TTC6: variants seen among roughly 807,000 people sequenced by gnomAD.
TTC6 encodes the protein tetratricopeptide repeat domain 6.
In TTC6, 172 loss-of-function variants were observed where a neutral mutation model predicts 210.4. The observed-to-expected ratio is 0.82, with a 90% CI of 0.72 to 0.93. The LOEUF (loss-of-function observed/expected upper bound fraction) is 0.93, where lower values mean the gene tolerates loss of function less well. TTC6 is among the 40% of genes least tolerant of loss of function. TTC6 has a pLI of 0.00. For synonymous variants in TTC6, 804 were observed against 819.6 expected (o/e 0.98, Z 0.32); for missense variants, 2,414 against 2,318.1 (o/e 1.04, Z -0.85).
exon 24 of TTC6, chr14:37,808,761 C>T (rs1474006061): frequency 2.3e-5 from 35 of 1,516,640 alleles, no homozygotes; most frequent in Non-Finnish European, 3.0e-5. Context: ...ACAGATTTAA[C>T]TACAGCTATC....
Position 37,800,916 on chromosome 14 carries a change from G to A in TTC6, c.4030-3764G>A, listed in dbSNP as rs185782652. ...AGTAGGTTAATAAAACAACTCAGCT[G>A]CAAACACGTACAACCTTTCATAAAA... On this transcript the variant is annotated intron_variant, in intron 20 of 30. Transcript: ENST00000553443. Among the ~76,000 whole-genome samples, 11 of 152,190 alleles carry A rather than the reference G, an allele frequency of 7.2e-5. No homozygotes were observed. In the East Asian group the frequency reaches 2.1e-3, roughly 29 times the overall value.
exon 18 of TTC6, chr14:37,795,321 C>G: frequency 6.5e-7 from 1 of 1,531,742 alleles, no homozygotes. Flanking sequence ...TATCCACCTT[C>G]AGCCAGATGG....
At chr14:37,722,971 CATTT>C (rs2095864750) in intron 6 of TTC6, among the ~76,000 whole-genome samples, 1 of 152,082 alleles carries the variant, frequency 6.6e-6, no homozygotes, top group Non-Finnish European at 1.5e-5. Flanking sequence ...TCTTCTCATT[CATTT>C]ATTTACTCAG....
chr14:37,645,306 A>G (rs754850588), intron 1 of TTC6, among the ~76,000 whole-genome samples: 6 of 152,226 alleles, frequency 3.9e-5, no homozygotes, highest in Non-Finnish European at 8.8e-5. Context: ...TACCTGCTCA[A>G]TCCAGACTCC....
intron 14 of TTC6, among the ~76,000 whole-genome samples, chr14:37,754,634 T>C (rs2095962155): frequency 1.3e-5 from 2 of 152,052 alleles, no homozygotes; most frequent in South Asian, 2.1e-4. Flanking sequence ...GGTTTTACCA[T>C]GTTGGCCAGG....
At chr14:37,841,317 G>T in intron 29 of TTC6, 128 bp from the exon 32 acceptor site, 2 of 768,838 alleles carry the variant, frequency 2.6e-6, no homozygotes, top group South Asian at 3.6e-5. Flanking sequence ...TCTGTACCTG[G>T]GATGAAATGC....
chr14:37,768,781 A>C (rs993000374), intron 14 of TTC6, among the ~76,000 whole-genome samples: 3 of 152,070 alleles, frequency 2.0e-5, no homozygotes, highest in Non-Finnish European at 4.4e-5. Context: ...TTCCTAATTG[A>C]ATACCCTTTA....
chr14:37,812,500 T>G (rs1180329170), intron 25 of TTC6, 67 bp downstream of exon 27: 10 of 1,425,788 alleles, frequency 7.0e-6, no homozygotes, highest in Admixed American at 2.6e-5. Flanking sequence ...GTGAACAAGA[T>G]TTTATTATTA....
intron 1 of TTC6, among the ~76,000 whole-genome samples, chr14:37,641,629 T>A (rs969066975): frequency 2.6e-5 from 4 of 152,232 alleles, no homozygotes; most frequent in Non-Finnish European, 5.9e-5. Context: ...TGAGTTTTTA[T>A]GAACATGGTA....
chr14:37,822,230 A>G (rs1021442613), intron 26 of TTC6, among the ~76,000 whole-genome samples: 12 of 152,208 alleles, frequency 7.9e-5, no homozygotes, highest in African/African-American at 2.7e-4. Flanking sequence ...TATTTAAATT[A>G]ATTTGCTTTT....
chr14:37,738,888 T>G, exon 10 of TTC6: 1 of 1,535,238 alleles, frequency 6.5e-7, no homozygotes, highest in Non-Finnish European at 8.7e-7. Context: ...GCAAAGGAAT[T>G]GAAACGTCAG....
intron 10 of TTC6, among the ~76,000 whole-genome samples, chr14:37,744,274 G>C (rs1017691716): frequency 3.9e-5 from 6 of 152,224 alleles, no homozygotes; most frequent in African/African-American, 9.6e-5. Context: ...CAAACTCCCT[G>C]TCCTCATAGA....
At chr14:37,772,618 C>A (rs530315846) in intron 14 of TTC6, 1 of 153,646 alleles carries the variant, frequency 6.5e-6, no homozygotes, top group African/African-American at 2.4e-5. Flanking sequence ...AACTCCCTGA[C>A]CCCTTGCGCT....
At chr14:37,647,254 A>G (rs576534070) in intron 1 of TTC6, among the ~76,000 whole-genome samples, 23 of 152,288 alleles carry the variant, frequency 1.5e-4, no homozygotes, top group African/African-American at 5.3e-4. Context: ...ACATGATCTG[A>G]TCTTGTTTTA....
intron 10 of TTC6, among the ~76,000 whole-genome samples, chr14:37,744,961 G>A (rs2095931459): frequency 6.6e-6 from 1 of 151,920 alleles, no homozygotes; most frequent in South Asian, 2.1e-4. Context: ...TTTAGAAATA[G>A]GGACAACAGG....
chr14:37,823,957 G>A lies in TTC6; in HGVS notation c.4974G>A (p.Gln1658=), dbSNP rs1566975719. 5 of 1,613,140 alleles carry A rather than the reference G, an allele frequency of 3.1e-6. No homozygotes were observed. The Admixed American group carries it at 6.7e-5, about 22-fold the overall frequency. Residue 1658 remains glutamine, a splice_region_variant and synonymous_variant, in exon 27 of 31, where the codon CAG becomes CAA. Transcript: ENST00000553443. The stretch of plus-strand genomic sequence containing the variant: ...GAATTAGTTTTGGCTATAATTTGCA[G>A]GTAATATAGCAACATTTTGAGCATT...
At chr14:37,837,229 T>C (rs2096199878) in intron 29 of TTC6, 1 of 244,604 alleles carries the variant, frequency 4.1e-6, no homozygotes, top group South Asian at 4.0e-5. Context: ...GAATTTGCTT[T>C]TACATGATTG....
chr14:37,783,298 C>T (rs898378870), intron 14 of TTC6, among the ~76,000 whole-genome samples: 7 of 152,128 alleles, frequency 4.6e-5, no homozygotes, highest in African/African-American at 1.7e-4. Flanking sequence ...ATTATTGCCT[C>T]AATTTCAGAG....
At chr14:37,796,804 C>A (rs149924906) in exon 20 of TTC6, 2 of 1,605,474 alleles carry the variant, frequency 1.2e-6, no homozygotes, top group Admixed American at 3.4e-5. Context: ...TGAGTTGAGT[C>A]CTATGCAGCA....
Sources: gnomAD v4.1 joint callset for allele counts (sites outside exome capture counted in the v4.1 genomes callset) on GRCh38, gnomAD v4.1.1 for gene constraint, MANE v1.5 for transcripts, NCBI Gene and HGNC (gene_info 2026-07-23, HGNC 2026-07-21) for gene names.